SLIT3: variants seen among roughly 807,000 people sequenced by gnomAD.
SLIT3 encodes slit homolog 3 protein.
A neutral mutation model predicts 184.0 loss-of-function variants in SLIT3; 68 were observed. The observed-to-expected ratio is 0.37, with a 90% CI of 0.30 to 0.45. SLIT3 has a LOEUF of 0.45. Ranked by LOEUF, SLIT3 falls within the 20% of genes least tolerant of loss-of-function variation. The pLI is 1.00. For missense variants in SLIT3, 1,707 were observed against 2,026.0 expected, an observed-to-expected ratio of 0.84 and a Z score of 3.02; for synonymous variants, 831 against 828.6, an observed-to-expected ratio of 1.00 and a Z score of -0.05.
At chr5:169,168,033 G>A (rs1762696624) in intron 4 of SLIT3, among the ~76,000 whole-genome samples, 1 of 152,214 alleles carries the variant, frequency 6.6e-6, no homozygotes, top group African/African-American at 2.4e-5. Context: ...TTCATGTTCT[G>A]TTGAGATTTC....
chr5:169,091,956 T>C (rs914774328), intron 4 of SLIT3, among the ~76,000 whole-genome samples: 1 of 152,176 alleles, frequency 6.6e-6, no homozygotes, highest in African/African-American at 2.4e-5. Context: ...GTGCGGTGGC[T>C]CGTGCCTGTA....
intron 23 of SLIT3, among the ~76,000 whole-genome samples, chr5:168,718,935 G>T (rs898790147): frequency 6.6e-6 from 1 of 152,184 alleles, no homozygotes; most frequent in Non-Finnish European, 1.5e-5. Flanking sequence ...AATGAGGAAA[G>T]AATATACAAA....
At position 169,063,443 on chromosome 5, in the gene SLIT3, T is replaced by C. The variant is rs566417414; in HGVS notation, c.413+130036A>G. ...TTCCCACATTCCCTCGATTCTCTTG[T>C]GGCTGACAGGAAGGGTAGGGACAGA... is the stretch of plus-strand genomic sequence containing the variant. On this transcript the variant is annotated intron_variant, in intron 4 of 35. Transcript: ENST00000519560. Among the ~76,000 whole-genome samples, 3 of 152,344 alleles carry C rather than the reference T, an allele frequency of 2.0e-5. No individual in the cohort carries two copies. The East Asian group carries it at 5.8e-4, about 29-fold the overall frequency.
At chr5:169,140,006 C>A (rs1283838211) in intron 4 of SLIT3, among the ~76,000 whole-genome samples, 1 of 152,142 alleles carries the variant, frequency 6.6e-6, no homozygotes, top group Non-Finnish European at 1.5e-5. Context: ...CTCTCCAAGG[C>A]CTTCATCACA....
chr5:168,833,114 T>C (rs1757932064), intron 6 of SLIT3, among the ~76,000 whole-genome samples: 1 of 152,166 alleles, frequency 6.6e-6, no homozygotes, highest in Non-Finnish European at 1.5e-5. Context: ...CCTGAATAAG[T>C]TTCTGTTTCT....
Position 168,900,611 on chromosome 5 carries a change from G to A in SLIT3, c.414-17275C>T, listed in dbSNP as rs545187384. On this transcript the variant is annotated intron_variant, in intron 4 of 35. Coordinates refer to ENST00000519560, the MANE Select transcript of SLIT3 (RefSeq NM_003062.4). Reference sequence around the variant, plus strand: ...GCCTGGGAGATGGGAGTGAAACCCTGTCTCAAACAAAACAAAACAAAACAA... The same window carrying A: ...GCCTGGGAGATGGGAGTGAAACCCTATCTCAAACAAAACAAAACAAAACAA... Among the ~76,000 whole-genome samples, 49 of 151,908 alleles carry A rather than the reference G, an allele frequency of 3.2e-4. No homozygotes were observed. In the South Asian group the frequency reaches 0.01, roughly 32 times the overall value.
At chr5:169,130,414 C>G (rs532051306) in intron 4 of SLIT3, among the ~76,000 whole-genome samples, 2 of 152,310 alleles carry the variant, frequency 1.3e-5, no homozygotes, top group African/African-American at 4.8e-5. Context: ...TGATCTGATT[C>G]AAAACTCCCT....
chr5:168,674,203 C>T (rs962722462), intron 32 of SLIT3, among the ~76,000 whole-genome samples: 1 of 152,136 alleles, frequency 6.6e-6, no homozygotes, highest in African/African-American at 2.4e-5. Flanking sequence ...AGTTTGTTAT[C>T]TCCACTACAG....
chr5:168,803,403 T>G (rs1756838197), intron 9 of SLIT3, among the ~76,000 whole-genome samples: 1 of 152,264 alleles, frequency 6.6e-6, no homozygotes, highest in South Asian at 2.1e-4. Context: ...GACAGGCTTT[T>G]GGCAATTACT....
Position 168,755,400 on chromosome 5 carries a change from T to TCCTTCCTTC in SLIT3, c.1686-1394_1686-1393insGAAGGAAGG, listed in dbSNP as rs1491510050. 2.3e-4 allele frequency among the ~76,000 whole-genome samples: 4 copies of TCCTTCCTTC among 17,516 alleles called. No individual in the cohort carries two copies. The East Asian group carries it at 7.3e-3, about 32-fold the overall frequency. 11.5% of individuals were successfully genotyped at this position (17,516 alleles called of 152,430 possible). Reference sequence around the variant, plus strand: ...CCCTCAGTGCCGCCATTTCTTTCTTTCTTTCTTTCTTTCTTTCTTTCTTTC... The same window carrying TCCTTCCTTC: ...CCCTCAGTGCCGCCATTTCTTTCTTTCCTTCCTTCCTTTCTTTCTTTCTTTCTTTCTTTC... On this transcript the variant is annotated intron_variant, in intron 16 of 35. Transcript: ENST00000519560.
intron 1 of SLIT3, among the ~76,000 whole-genome samples, chr5:169,278,322 C>T (rs897119814): frequency 2.0e-5 from 3 of 152,194 alleles, no homozygotes; most frequent in African/African-American, 4.8e-5. Flanking sequence ...CTTGGTAACA[C>T]CTGAAAAGTA....
At chr5:168,784,170 C>T (rs1756072754) in intron 12 of SLIT3, among the ~76,000 whole-genome samples, 1 of 152,162 alleles carries the variant, frequency 6.6e-6, no homozygotes, top group African/African-American at 2.4e-5. Flanking sequence ...AAATCCACCT[C>T]AAGGTGGATA....
chr5:168,907,691 G>A (rs115524289), intron 4 of SLIT3, among the ~76,000 whole-genome samples: 1,658 of 152,040 alleles, frequency 0.011, 23 homozygotes, highest in African/African-American at 0.038. Context: ...AGGAAGCGTA[G>A]AAGCAATTAC....
intron 34 of SLIT3, among the ~76,000 whole-genome samples, chr5:168,670,522 C>G (rs189873401): frequency 5.3e-5 from 8 of 152,330 alleles, no homozygotes; most frequent in Admixed American, 3.9e-4. Context: ...TGATGCACCA[C>G]TGCCCCTATT....
chr5:168,880,494 AACC>A (rs1226104502), intron 5 of SLIT3, among the ~76,000 whole-genome samples: 2 of 152,220 alleles, frequency 1.3e-5, no homozygotes, highest in African/African-American at 4.8e-5. Context: ...TGTGAATTCT[AACC>A]ACCATTCAGG....
rs1761007994 is a variant in SLIT3, at chr5:168,665,610, A to AAGAC, written c.*840_*843dup. ...AATAGCAGCTGTTTTAAAATTTGGT[A>AAGAC]AGACAGTTCCAAATGACACCTGTAG... On this transcript the variant is annotated 3_prime_UTR_variant, in exon 36 of 36. Coordinates refer to ENST00000519560, the MANE Select transcript of SLIT3 (RefSeq NM_003062.4). 1 of 152,282 alleles carries AAGAC rather than the reference A, an allele frequency of 6.6e-6. No homozygotes were observed. Among genetic ancestry groups the AAGAC allele is most frequent in the African/African-American group, 2.4e-5 (1 of 41,464 alleles). 9.4% of individuals were successfully genotyped at this position (152,282 alleles called of 1,614,324 possible). A position where few individuals can be genotyped will look rare whatever the true frequency, so the allele number is the denominator to read the frequency against.
intron 15 of SLIT3, 97 bp downstream of exon 15, chr5:168,762,442 C>A (rs1755189536): frequency 2.2e-6 from 3 of 1,338,680 alleles, no homozygotes; most frequent in Non-Finnish European, 2.1e-6. Flanking sequence ...CATGACTGAG[C>A]CAGGAAGGGG....
At chr5:168,722,888 G>T in intron 22 of SLIT3, 45 bp downstream of exon 22, 1 of 1,444,618 alleles carries the variant, frequency 6.9e-7, no homozygotes. Context: ...ACCATCTACT[G>T]CTAGGCCCAA....
intron 9 of SLIT3, among the ~76,000 whole-genome samples, chr5:168,799,240 T>C (rs1242595995): frequency 6.6e-6 from 1 of 152,162 alleles, no homozygotes; most frequent in Non-Finnish European, 1.5e-5. Flanking sequence ...TGTGAAAAGC[T>C]CAATGGAAAG....
Sources: gnomAD v4.1 joint callset for allele counts (sites outside exome capture counted in the v4.1 genomes callset) on GRCh38, gnomAD v4.1.1 for gene constraint, MANE v1.5 for transcripts, NCBI Gene and HGNC (gene_info 2026-07-23, HGNC 2026-07-21) for gene names.